Variants in KCNIP1 observed in about 807,000 individuals in gnomAD.
The protein encoded by KCNIP1 is potassium voltage-gated channel interacting protein 1, also known as A-type potassium channel modulatory protein KCNIP1.
KCNIP1 carries 18 observed loss-of-function variants against 33.0 expected under a neutral mutation model. The observed-to-expected ratio is 0.55, with a 90% CI of 0.38 to 0.81. The LOEUF (loss-of-function observed/expected upper bound fraction) is 0.81. KCNIP1 is among the 30% of genes least tolerant of loss of function. The pLI is 0.00. For synonymous variants in KCNIP1, 93 were observed against 98.3 expected (o/e 0.95, Z 0.32); for missense variants, 238 against 271.6 (o/e 0.88, Z 0.87).
intron 1 of KCNIP1, among the ~76,000 whole-genome samples, chr5:170,532,871 C>G (rs1314303141): frequency 6.6e-6 from 1 of 152,174 alleles, no homozygotes; most frequent in Non-Finnish European, 1.5e-5. Context: ...TTCTCCTCTT[C>G]CTCCTCTCCC....
At chr5:170,630,146 C>T (rs989043486) in intron 1 of KCNIP1, among the ~76,000 whole-genome samples, 2 of 151,902 alleles carry the variant, frequency 1.3e-5, no homozygotes, top group African/African-American at 4.9e-5. Context: ...GATGCCAACT[C>T]GAGGGATACA....
rs994004423 is a variant in KCNIP1, at chr5:170,408,759, G to A, written c.88+54795G>A. ...AGAACGCTTTCTCTGCTGTCACTGCGGCCCTTGTCAAAAAAACCTTAGCTG... is the reference window on the plus strand; with the variant it reads ...AGAACGCTTTCTCTGCTGTCACTGCAGCCCTTGTCAAAAAAACCTTAGCTG... On this transcript the variant is annotated intron_variant, in intron 1 of 7. Transcript: ENST00000377360. 5.3e-5 allele frequency among the ~76,000 whole-genome samples: 8 copies of A among 152,172 alleles called. No individual in the cohort carries two copies. The East Asian group carries it at 7.7e-4, about 15-fold the overall frequency.
At position 170,703,552 on chromosome 5, in the gene KCNIP1, C is replaced by T. The variant is rs550742011; in HGVS notation, c.62-15206C>T. Among the ~76,000 whole-genome samples the T allele has an allele frequency of 3.5e-3, 479 of 137,300 alleles. 79 individuals are homozygous for T. Among genetic ancestry groups the T allele is most frequent in the African/African-American group, 0.012 (459 of 37,420 alleles). The allele number at this position is 137,300 out of a possible 152,430, so 90.1% of individuals were successfully genotyped here. ...CTTTAAGAGGCCGAGGCAGGAGGATCACTTGAGGCCAGGAGTTCAAGGCTA... is the reference window on the plus strand; with the variant it reads ...CTTTAAGAGGCCGAGGCAGGAGGATTACTTGAGGCCAGGAGTTCAAGGCTA... On this transcript the variant is annotated intron_variant, in intron 1 of 7. Transcript: ENST00000328939.
chr5:170,680,349 T>C (rs1762296806), intron 1 of KCNIP1, among the ~76,000 whole-genome samples: 1 of 152,214 alleles, frequency 6.6e-6, no homozygotes, highest in Non-Finnish European at 1.5e-5. Flanking sequence ...GCCGACAGCA[T>C]CACTCTTTTG....
intron 1 of KCNIP1, among the ~76,000 whole-genome samples, chr5:170,520,538 T>C (rs1363445397): frequency 6.6e-6 from 1 of 152,202 alleles, no homozygotes; most frequent in African/African-American, 2.4e-5. Context: ...AACACAAGAA[T>C]CTTCCATCTC....
intron 1 of KCNIP1, among the ~76,000 whole-genome samples, chr5:170,397,536 G>T (rs192124011): frequency 6.6e-6 from 1 of 152,306 alleles, no homozygotes; most frequent in African/African-American, 2.4e-5. Context: ...GGTCTGAAAG[G>T]TATGTAGGTA....
intron 1 of KCNIP1, among the ~76,000 whole-genome samples, chr5:170,640,402 A>T (rs533244305): frequency 3.9e-5 from 6 of 152,158 alleles, no homozygotes; most frequent in African/African-American, 1.4e-4. Context: ...ATTAAATCTC[A>T]CAAGTTTGCA....
At chr5:170,733,949 T>A (rs937423943) in intron 7 of KCNIP1, 51 bp downstream of exon 7, 3 of 1,488,076 alleles carry the variant, frequency 2.0e-6, no homozygotes. Context: ...AAAGGAAACC[T>A]GGGGCCTGGG....
intron 1 of KCNIP1, among the ~76,000 whole-genome samples, chr5:170,387,939 C>T (rs1035443396): frequency 1.3e-5 from 2 of 152,210 alleles, no homozygotes; most frequent in African/African-American, 4.8e-5. Context: ...GGCTGAGTGC[C>T]CACAACAAAG....
At chr5:170,435,441 C>T (rs935572102) in intron 1 of KCNIP1, among the ~76,000 whole-genome samples, 4 of 152,330 alleles carry the variant, frequency 2.6e-5, no homozygotes, top group East Asian at 3.9e-4. Context: ...GTGCAGACAG[C>T]GCACCCCCAA....
chr5:170,550,401 C>T (rs1756563177), intron 1 of KCNIP1, among the ~76,000 whole-genome samples: 2 of 152,112 alleles, frequency 1.3e-5, no homozygotes, highest in South Asian at 4.1e-4. Context: ...GATTCATAAT[C>T]CAGTGAATGT....
intron 5 of KCNIP1, among the ~76,000 whole-genome samples, chr5:170,730,848 A>C (rs943539837): frequency 1.3e-5 from 2 of 152,184 alleles, no homozygotes; most frequent in African/African-American, 4.8e-5. Context: ...TTAAAAAAAA[A>C]AAACTGCAGG....
At chr5:170,356,088 G>C (rs1192352609) in intron 1 of KCNIP1, among the ~76,000 whole-genome samples, 2 of 152,238 alleles carry the variant, frequency 1.3e-5, no homozygotes, top group African/African-American at 4.8e-5. Context: ...CAGGGTAGCT[G>C]AGAAAGGCCT....
At chr5:170,453,593 A>C (rs1311658420) in intron 1 of KCNIP1, among the ~76,000 whole-genome samples, 2 of 152,240 alleles carry the variant, frequency 1.3e-5, no homozygotes, top group African/African-American at 4.8e-5. Flanking sequence ...CCTTTATGTA[A>C]TAACCTCCAC....
chr5:170,733,742 C>T, intron 6 of KCNIP1, 94 bp from the exon 7 acceptor site: 2 of 1,033,944 alleles, frequency 1.9e-6, no homozygotes, highest in South Asian at 1.4e-5. Flanking sequence ...TGAGCTCCAG[C>T]TCGTTACTCT....
intron 1 of KCNIP1, among the ~76,000 whole-genome samples, chr5:170,589,588 G>A (rs934713492): frequency 5.3e-5 from 8 of 152,142 alleles, no homozygotes; most frequent in South Asian, 2.1e-4. Context: ...TGGAGAGTGC[G>A]GAAGGTTGGG....
chr5:170,452,700 C>T (rs1756282734), intron 1 of KCNIP1, among the ~76,000 whole-genome samples: 1 of 152,178 alleles, frequency 6.6e-6, no homozygotes, highest in Non-Finnish European at 1.5e-5. Context: ...GCTCCCTCTG[C>T]CTTTATCCTG....
chr5:170,372,884 T>G (rs554140058), intron 1 of KCNIP1, among the ~76,000 whole-genome samples: 1 of 152,160 alleles, frequency 6.6e-6, no homozygotes, highest in Non-Finnish European at 1.5e-5. Flanking sequence ...GCTTTTGTTT[T>G]ATGTGTACTG....
chr5:170,603,083 G>A (rs1207505664), intron 1 of KCNIP1, among the ~76,000 whole-genome samples: 1 of 152,240 alleles, frequency 6.6e-6, no homozygotes, highest in African/African-American at 2.4e-5. Flanking sequence ...AGGGGGCGAA[G>A]GAGTGGGATC....
Sources: allele counts gnomAD v4.1 joint callset (sites outside exome capture counted in the v4.1 genomes callset), GRCh38; gene constraint gnomAD v4.1.1; transcripts MANE v1.5; gene names NCBI Gene and HGNC (gene_info 2026-07-23, HGNC 2026-07-21).